The following FRMPD4 variants were observed in gnomAD, a reference collection of about 807,000 sequenced individuals.
FRMPD4 encodes the protein FERM and PDZ domain-containing protein 4.
In FRMPD4, 22 loss-of-function variants were observed where a neutral mutation model predicts 94.1. That is an observed-to-expected ratio of 0.23 (90% CI 0.17 to 0.33). The LOEUF (loss-of-function observed/expected upper bound fraction) is 0.33. Among genes scored for constraint, FRMPD4 ranks in the 10% least tolerant of loss-of-function variants. The pLI is 1.00. For missense variants in FRMPD4, 1,111 were observed against 1,339.9 expected, an observed-to-expected ratio of 0.83 and a Z score of 2.67; for synonymous variants, 631 against 548.6, an observed-to-expected ratio of 1.15 and a Z score of -2.10.
intron 3 of FRMPD4, among the ~76,000 whole-genome samples, chrX:12,020,255 G>T (rs747027424): frequency 8.9e-6 from 1 of 112,254 alleles, no homozygotes; most frequent in African/African-American, 3.2e-5. Context: ...TTTGCACATA[G>T]CAAGAATTTA....
At chrX:12,043,907 GT>G (rs1335822074) in intron 3 of FRMPD4, among the ~76,000 whole-genome samples, 2 of 110,780 alleles carry the variant, frequency 1.8e-5, no homozygotes, top group East Asian at 2.8e-4. Flanking sequence ...CAATTTTACT[GT>G]TTTTTTAGTG....
At chrX:12,030,028 C>A (rs2054682533) in intron 3 of FRMPD4, among the ~76,000 whole-genome samples, 1 of 111,693 alleles carries the variant, frequency 9.0e-6, no homozygotes, top group South Asian at 3.7e-4. Flanking sequence ...TATTGTAGAT[C>A]AAATGAGAAT....
chrX:12,205,438 G>A (rs1256188839), intron 1 of FRMPD4, among the ~76,000 whole-genome samples: 4 of 112,039 alleles, frequency 3.6e-5, no homozygotes, highest in Non-Finnish European at 7.5e-5. Flanking sequence ...CAAGGTAAGA[G>A]GATTCTTATT....
Position 12,720,724 on chromosome X carries a change from G to C in FRMPD4, c.4155G>C (p.Pro1385=), listed in dbSNP as rs776892281. The change falls in exon 17 of 17, where the codon CCG becomes CCC. Residue 1385 remains proline (P), a synonymous_variant. Coordinates refer to ENST00000675598, the MANE Select transcript of FRMPD4 (RefSeq NM_001368397.1). The stretch of plus-strand genomic sequence containing the variant: ...GAGAGGCTGTGAGCTGGCGGCCACC[G>C]GATCTGAGAGGGGGGAGCCTCAGGA... The part of the protein sequence containing the change: ...AYGEAVSWRP[P]DLRGGSLRTP... 81 of 1,064,872 alleles carry C rather than the reference G, an allele frequency of 7.6e-5. No individual in the cohort carries two copies. The South Asian group carries it at 1.8e-3, about 23-fold the overall frequency. 87.8% of individuals were successfully genotyped at this position (1,064,872 alleles called of 1,213,427 possible).
chrX:12,145,636 A>C, intron 1 of FRMPD4, among the ~76,000 whole-genome samples: 1 of 113,284 alleles, frequency 8.8e-6, no homozygotes, highest in East Asian at 2.8e-4. Context: ...AAACACAGCC[A>C]TGCCCTTTTG....
chrX:11,955,605 G>A (rs977144628), intron 3 of FRMPD4, among the ~76,000 whole-genome samples: 85 of 110,239 alleles, frequency 7.7e-4, no homozygotes, highest in Non-Finnish European at 9.5e-4. Flanking sequence ...AGCTGGGCGT[G>A]GTGGCAGGCA....
rs760028887 is a variant in FRMPD4 at position 11,847,069 on chromosome X, G to T, written c.-160-18017G>T. Among the ~76,000 whole-genome samples the T allele has an allele frequency of 4.4e-4, 47 of 107,179 alleles. 1 individual carries two copies. In the South Asian group the frequency reaches 0.019, roughly 43 times the overall value. 93.1% of individuals were successfully genotyped at this position (107,179 alleles called of 115,157 possible). ...ACTAAAGAGCTTCTGCACAGCAAAA[G>T]AAACTACCATCAGAGTGAACAGGCA... On this transcript the variant is annotated intron_variant, in intron 1 of 18. Transcript: ENST00000640291.
At chrX:12,134,301 T>C (rs1345824284), upstream of FRMPD4, among the ~76,000 whole-genome samples, 1 of 112,559 alleles carries the variant, frequency 8.9e-6, no homozygotes, top group African/African-American at 3.2e-5. Flanking sequence ...CTGATTTTGT[T>C]GTTTATCATC....
intron 1 of FRMPD4, among the ~76,000 whole-genome samples, chrX:12,316,368 G>A (rs1253567446): frequency 9.1e-6 from 1 of 109,923 alleles, no homozygotes; most frequent in Non-Finnish European, 1.9e-5. Flanking sequence ...GGCCAGGCTG[G>A]TCTTGAACTC....
At chrX:12,450,007 A>AG (rs2057246268) in intron 1 of FRMPD4, among the ~76,000 whole-genome samples, 1 of 110,706 alleles carries the variant, frequency 9.0e-6, no homozygotes, top group South Asian at 3.9e-4. Flanking sequence ...AGAAAAAAAA[A>AG]GAAATTATAG....
intron 4 of FRMPD4, among the ~76,000 whole-genome samples, chrX:12,620,433 G>C (rs980248428): frequency 1.8e-5 from 2 of 112,303 alleles, no homozygotes; most frequent in African/African-American, 3.2e-5. Flanking sequence ...TCCAGGACCA[G>C]TTATGCTTAC....
intron 3 of FRMPD4, among the ~76,000 whole-genome samples, chrX:11,905,825 G>A (rs756115715): frequency 9.0e-6 from 1 of 111,331 alleles, no homozygotes; most frequent in East Asian, 2.8e-4. Context: ...CAAAAACTGG[G>A]GTCATGGACT....
intron 2 of FRMPD4, among the ~76,000 whole-genome samples, chrX:12,562,033 A>T (rs1037718987): frequency 2.7e-5 from 3 of 112,086 alleles, no homozygotes; most frequent in African/African-American, 9.7e-5. Flanking sequence ...CACTCATCAA[A>T]TGTTACTTGG....
At chrX:12,301,891 A>G (rs1284330170) in intron 1 of FRMPD4, among the ~76,000 whole-genome samples, 3 of 111,944 alleles carry the variant, frequency 2.7e-5, no homozygotes, top group Non-Finnish European at 5.6e-5. Flanking sequence ...CACCTTCATC[A>G]TGGCAGTTTA....
At chrX:12,078,094 C>T (rs1226486249) in intron 3 of FRMPD4, among the ~76,000 whole-genome samples, 1 of 111,259 alleles carries the variant, frequency 9.0e-6, no homozygotes, top group African/African-American at 3.3e-5. Flanking sequence ...GAAGTCATCT[C>T]CTTGAGGTCG....
chrX:12,544,158 C>T (rs1284262499), intron 2 of FRMPD4, among the ~76,000 whole-genome samples: 2 of 109,097 alleles, frequency 1.8e-5, no homozygotes, highest in Non-Finnish European at 3.8e-5. Flanking sequence ...ATGGGTGCAG[C>T]ACACCAACAT....
At chrX:12,223,307 G>A (rs1273656707) in intron 1 of FRMPD4, among the ~76,000 whole-genome samples, 1 of 112,088 alleles carries the variant, frequency 8.9e-6, no homozygotes, top group African/African-American at 3.2e-5. Flanking sequence ...GCAGCAACAT[G>A]GGTGCAGCTG....
intron 3 of FRMPD4, among the ~76,000 whole-genome samples, chrX:12,060,222 C>T (rs2054877183): frequency 9.2e-6 from 1 of 109,260 alleles, no homozygotes; most frequent in Non-Finnish European, 1.9e-5. Context: ...TTCTCACCAA[C>T]AGTGTATAAA....
At chrX:12,118,932 T>C (rs1342792015) in intron 3 of FRMPD4, among the ~76,000 whole-genome samples, 1 of 111,355 alleles carries the variant, frequency 9.0e-6, no homozygotes, top group Non-Finnish European at 1.9e-5. Flanking sequence ...CTAACAATTT[T>C]GATCACTTGT....
Sources: gnomAD v4.1 joint callset for allele counts (sites outside exome capture counted in the v4.1 genomes callset) on GRCh38, gnomAD v4.1.1 for gene constraint, MANE v1.5 for transcripts, NCBI Gene and HGNC (gene_info 2026-07-23, HGNC 2026-07-21) for gene names.